Variants in CNTN4 observed in about 807,000 individuals in gnomAD.
CNTN4 encodes contactin-4.
In CNTN4, 77 loss-of-function variants were observed where a neutral mutation model predicts 122.5. The ratio of observed to expected loss-of-function variants is 0.63; its 90% confidence interval spans 0.52 to 0.76. The LOEUF (loss-of-function observed/expected upper bound fraction) is 0.76. Ranked by LOEUF, CNTN4 falls within the 30% of genes least tolerant of loss-of-function variation. CNTN4 has a pLI of 0.00. For missense variants in CNTN4, 1,256 were observed against 1,259.1 expected (o/e 1.00, Z 0.04); for synonymous variants, 512 against 447.0 (o/e 1.15, Z -1.83).
At chr3:2,375,381 C>A (rs1162712684) in intron 3 of CNTN4, among the ~76,000 whole-genome samples, 3 of 152,132 alleles carry the variant, frequency 2.0e-5, no homozygotes, top group Admixed American at 6.6e-5. Context: ...TCTTCTTTTT[C>A]TCCCTAAAAC....
At chr3:2,576,008 T>TG (rs2079657219) in intron 4 of CNTN4, among the ~76,000 whole-genome samples, 1 of 151,880 alleles carries the variant, frequency 6.6e-6, no homozygotes. Context: ...CTAATTTTTT[T>TG]GTATTTTTAG....
intron 3 of CNTN4, among the ~76,000 whole-genome samples, chr3:2,368,761 C>T (rs1288842895): frequency 6.6e-6 from 1 of 152,118 alleles, no homozygotes; most frequent in African/African-American, 2.4e-5. Context: ...GTTATGACTA[C>T]AAAGCAAGAA....
intron 14 of CNTN4, among the ~76,000 whole-genome samples, chr3:3,012,254 G>A (rs1443353266): frequency 6.6e-6 from 1 of 151,994 alleles, no homozygotes; most frequent in Non-Finnish European, 1.5e-5. Context: ...CTTTTACTTA[G>A]GATGTCTGTA....
intron 4 of CNTN4, among the ~76,000 whole-genome samples, chr3:2,674,854 T>G (rs1329609572): frequency 1.3e-5 from 2 of 152,066 alleles, no homozygotes; most frequent in African/African-American, 2.4e-5. Flanking sequence ...TGAATTTGGA[T>G]CTGTTAACCA....
intron 3 of CNTN4, among the ~76,000 whole-genome samples, chr3:2,449,441 C>A (rs941159363): frequency 6.6e-6 from 1 of 151,878 alleles, no homozygotes; most frequent in Admixed American, 6.6e-5. Flanking sequence ...ATGGCAAAAC[C>A]CCGTCTCTAC....
At chr3:2,162,784 T>C (rs943757046) in intron 2 of CNTN4, among the ~76,000 whole-genome samples, 2 of 152,238 alleles carry the variant, frequency 1.3e-5, no homozygotes, top group African/African-American at 4.8e-5. Flanking sequence ...GATATCACAT[T>C]TATCAAATAA....
In CNTN4 at chr3:2,868,197, A is replaced by G. The variant is rs575930944; in HGVS notation, c.652+1248A>G. 3.3e-5 allele frequency among the ~76,000 whole-genome samples: 5 copies of G among 152,336 alleles called. No individual in the cohort carries two copies. In the South Asian group the frequency reaches 8.3e-4, roughly 25 times the overall value. On this transcript the variant is annotated intron_variant, in intron 8 of 24. Coordinates refer to ENST00000418658, the MANE Select transcript of CNTN4 (RefSeq NM_175607.3). Reference sequence around the variant, plus strand: ...TATGTGCCTAGTCACTGTGCACAGAACTATATGTGAATTATCTCATTTAAA... The same window carrying G: ...TATGTGCCTAGTCACTGTGCACAGAGCTATATGTGAATTATCTCATTTAAA...
chr3:2,517,847 A>T (rs976005427), intron 3 of CNTN4, among the ~76,000 whole-genome samples: 2 of 152,090 alleles, frequency 1.3e-5, no homozygotes. Context: ...AGAACAAATC[A>T]TGTGTTCAAA....
At chr3:2,611,300 A>AAAAAAAAAG in intron 4 of CNTN4, among the ~76,000 whole-genome samples, 1 of 144,022 alleles carries the variant, frequency 6.9e-6, no homozygotes, top group South Asian at 2.1e-4. Flanking sequence ...CTGGAACCAA[A>AAAAAAAAAG]AAAAAAAAAA....
intron 7 of CNTN4, among the ~76,000 whole-genome samples, chr3:2,849,986 C>CTTTTTTTTTTT (rs746657018): frequency 7.1e-6 from 1 of 140,696 alleles, no homozygotes. Flanking sequence ...TTAGCAATCA[C>CTTTTTTTTTTT]TTTTTTTTCT....
At chr3:3,013,282 T>C (rs1395050569) in intron 14 of CNTN4, among the ~76,000 whole-genome samples, 1 of 152,206 alleles carries the variant, frequency 6.6e-6, no homozygotes, top group Non-Finnish European at 1.5e-5. Context: ...TAATCAGTGC[T>C]GTATGGCCAA....
intron 4 of CNTN4, among the ~76,000 whole-genome samples, chr3:2,625,934 G>T (rs747398016): frequency 1.3e-5 from 2 of 152,058 alleles, no homozygotes; most frequent in African/African-American, 4.8e-5. Context: ...AATTGTTCCT[G>T]TTCTTTCACA....
At chr3:2,966,726 A>G (rs1259833530) in intron 13 of CNTN4, among the ~76,000 whole-genome samples, 1 of 152,208 alleles carries the variant, frequency 6.6e-6, no homozygotes, top group African/African-American at 2.4e-5. Context: ...TCAAAATGTC[A>G]CATGTATCCC....
chr3:2,225,438 G>A (rs551290747), intron 2 of CNTN4, among the ~76,000 whole-genome samples: 147 of 152,086 alleles, frequency 9.7e-4, no homozygotes, highest in African/African-American at 3.4e-3. Context: ...GCTTAAATCC[G>A]GGTGGCAGAG....
chr3:2,683,207 G>T (rs1207539562), intron 4 of CNTN4, among the ~76,000 whole-genome samples: 5 of 152,056 alleles, frequency 3.3e-5, no homozygotes, highest in Non-Finnish European at 5.9e-5. Context: ...GACAGAAAGG[G>T]AAAATGACAA....
At chr3:3,010,718 C>A (rs1391927) in intron 14 of CNTN4, among the ~76,000 whole-genome samples, 56,490 of 151,864 alleles carry the variant, frequency 0.37, 11,564 homozygotes, top group Non-Finnish European at 0.46. Flanking sequence ...TTAAGACCTA[C>A]GTCGTTCACC....
chr3:2,831,147 A>G (rs778114744), intron 7 of CNTN4, among the ~76,000 whole-genome samples: 2 of 152,228 alleles, frequency 1.3e-5, no homozygotes, highest in African/African-American at 4.8e-5. Flanking sequence ...TAGGCAAGTG[A>G]AGTTCAGTTT....
chr3:2,913,770 G>A (rs559781876), intron 12 of CNTN4, among the ~76,000 whole-genome samples: 3 of 152,128 alleles, frequency 2.0e-5, no homozygotes, highest in Non-Finnish European at 4.4e-5. Context: ...GACAAATAAG[G>A]AAGCAGAGGA....
At chr3:2,989,755 G>A (rs1264007014) in intron 14 of CNTN4, among the ~76,000 whole-genome samples, 1 of 152,180 alleles carries the variant, frequency 6.6e-6, no homozygotes, top group African/African-American at 2.4e-5. Context: ...AAAGGAAAAA[G>A]AGGTTAGATA....
Sources: allele counts gnomAD v4.1 joint callset (sites outside exome capture counted in the v4.1 genomes callset), GRCh38; gene constraint gnomAD v4.1.1; transcripts MANE v1.5; gene names NCBI Gene and HGNC (gene_info 2026-07-23, HGNC 2026-07-21).